Variants in HS3ST3B1 observed in about 807,000 individuals in gnomAD.
HS3ST3B1 encodes the protein heparan sulfate-glucosamine 3-sulfotransferase 3B1.
Under a neutral mutation model 21.3 loss-of-function variants are expected in HS3ST3B1, and 13 were observed. That is an observed-to-expected ratio of 0.61 (90% CI 0.40 to 0.97). The LOEUF (loss-of-function observed/expected upper bound fraction) is 0.97. Among genes scored for constraint, HS3ST3B1 ranks in the 50% least tolerant of loss-of-function variants. The pLI, the probability that HS3ST3B1 is intolerant of heterozygous loss-of-function variation, is 0.00. For synonymous variants in HS3ST3B1, 234 were observed against 254.8 expected, an observed-to-expected ratio of 0.92 and a Z score of 0.78; for missense variants, 459 against 554.8, an observed-to-expected ratio of 0.83 and a Z score of 1.73.
intron 1 of HS3ST3B1, among the ~76,000 whole-genome samples, chr17:14,340,344 T>C (rs576007104): frequency 6.6e-6 from 1 of 152,168 alleles, no homozygotes; most frequent in South Asian, 2.1e-4. Flanking sequence ...AGAGTCCTAT[T>C]AGATCGGTTT....
At chr17:14,344,340 C>G (rs1910486178) in intron 1 of HS3ST3B1, among the ~76,000 whole-genome samples, 1 of 152,098 alleles carries the variant, frequency 6.6e-6, no homozygotes, top group Non-Finnish European at 1.5e-5. Flanking sequence ...ATCCCATCAC[C>G]CAGGTAGTGA....
chr17:14,324,508 C>T (rs1245746193), intron 1 of HS3ST3B1, among the ~76,000 whole-genome samples: 1 of 152,186 alleles, frequency 6.6e-6, no homozygotes, highest in African/African-American at 2.4e-5. Flanking sequence ...GCCTTAGCTT[C>T]CTGAGTAGCA....
intron 1 of HS3ST3B1, among the ~76,000 whole-genome samples, chr17:14,338,246 C>T (rs1910250372): frequency 6.6e-6 from 1 of 151,596 alleles, no homozygotes; most frequent in African/African-American, 2.4e-5. Context: ...CTGCCTCAGC[C>T]TCCGGAGTGA....
intron 1 of HS3ST3B1, among the ~76,000 whole-genome samples, chr17:14,306,621 A>T (rs1909146355): frequency 6.6e-6 from 1 of 152,232 alleles, no homozygotes; most frequent in Admixed American, 6.5e-5. Context: ...CCCACATTTT[A>T]AATTTAACAA....
chr17:14,301,495 C>A lies in HS3ST3B1; in HGVS notation c.-24C>A. The A allele has an allele frequency of 1.3e-6, 2 of 1,486,632 alleles. No homozygotes were observed. Among genetic ancestry groups the A allele is most frequent in the East Asian group, 2.5e-5 (1 of 39,618 alleles). The allele number at this position is 1,486,632 out of a possible 1,614,324, so 92.1% of individuals were successfully genotyped here. A position where few individuals can be genotyped will look rare whatever the true frequency, so the allele number is the denominator to read the frequency against. On this transcript the variant is annotated 5_prime_UTR_variant, in exon 1 of 2. Transcript: ENST00000360954. ...CCCACGCCATGTGCTGAGCCATGTC[C>A]CTGGCCGCGCCCGCGGGCAGCGCAT... is the stretch of plus-strand genomic sequence containing the variant.
intron 1 of HS3ST3B1, chr17:14,329,571 G>T (rs1266349828): frequency 6.6e-6 from 1 of 151,964 alleles, no homozygotes; most frequent in Admixed American, 6.6e-5. Context: ...AAGAAGAAAA[G>T]AAAAGAAAAG....
chr17:14,305,876 G>C (rs1372460532), intron 1 of HS3ST3B1, among the ~76,000 whole-genome samples: 2 of 152,108 alleles, frequency 1.3e-5, no homozygotes, highest in Non-Finnish European at 2.9e-5. Flanking sequence ...GTTCTGTGAA[G>C]TAGGTACTTT....
At chr17:14,332,122 G>A (rs1193409478) in intron 1 of HS3ST3B1, among the ~76,000 whole-genome samples, 1 of 152,142 alleles carries the variant, frequency 6.6e-6, no homozygotes, top group Non-Finnish European at 1.5e-5. Flanking sequence ...ATGAAGAAAG[G>A]GGAGAGGAGA....
intron 1 of HS3ST3B1, among the ~76,000 whole-genome samples, chr17:14,322,073 CT>C (rs143339204): frequency 6.9e-4 from 101 of 146,488 alleles, no homozygotes; most frequent in African/African-American, 1.8e-3. Context: ...AAACCCAAAC[CT>C]TTTTTTTTTA....
At chr17:14,306,416 G>A (rs75290629) in intron 1 of HS3ST3B1, among the ~76,000 whole-genome samples, 48 of 152,274 alleles carry the variant, frequency 3.2e-4, no homozygotes, top group African/African-American at 9.6e-4. Flanking sequence ...TAAATGACAC[G>A]TTCCAGAACT....
chr17:14,345,773 C>A lies in HS3ST3B1; in HGVS notation c.*127C>A. ...ATTCATAAGCAATTAATTCACTAAGCTGCCTAGCCACACTCTTTAGAGAGT... is the reference window on the plus strand; with the variant it reads ...ATTCATAAGCAATTAATTCACTAAGATGCCTAGCCACACTCTTTAGAGAGT... On this transcript the variant is annotated 3_prime_UTR_variant, in exon 2 of 2. Transcript: ENST00000360954. 1 of 1,197,580 alleles carries A rather than the reference C, an allele frequency of 8.4e-7. No homozygotes were observed. The highest frequency in any genetic ancestry group is 1.1e-6 in the Non-Finnish European group (1 of 877,366). 74.2% of individuals were successfully genotyped at this position (1,197,580 alleles called of 1,614,324 possible). A position where few individuals can be genotyped will look rare whatever the true frequency, so the allele number is the denominator to read the frequency against.
intron 1 of HS3ST3B1, chr17:14,305,042 C>T (rs1188090540): frequency 6.6e-6 from 1 of 152,182 alleles, no homozygotes. Context: ...GAGACACCAT[C>T]AGCCGGATCA....
At chr17:14,302,818 G>T (rs188126680) in intron 1 of HS3ST3B1, among the ~76,000 whole-genome samples, 1,769 of 152,340 alleles carry the variant, frequency 0.012, 37 homozygotes, top group African/African-American at 0.04. Flanking sequence ...ACCGCCGCCC[G>T]TTTCCGCCTC....
At chr17:14,343,175 G>A (rs577939724) in intron 1 of HS3ST3B1, among the ~76,000 whole-genome samples, 2 of 151,978 alleles carry the variant, frequency 1.3e-5, no homozygotes, top group South Asian at 4.2e-4. Flanking sequence ...CCGAGAGGCG[G>A]AGGTTGCAGT....
chr17:14,343,864 G>A (rs1385381800), intron 1 of HS3ST3B1, among the ~76,000 whole-genome samples: 1 of 151,548 alleles, frequency 6.6e-6, no homozygotes, highest in Admixed American at 6.6e-5. Context: ...TCCAGAAATG[G>A]GATTGCTGGA....
chr17:14,319,927 C>T (rs1413715254), intron 1 of HS3ST3B1, among the ~76,000 whole-genome samples: 1 of 151,952 alleles, frequency 6.6e-6, no homozygotes, highest in Non-Finnish European at 1.5e-5. Flanking sequence ...TTCCTCACCA[C>T]CCTCCCCCCG....
At chr17:14,329,581 G>GAAA (rs1909940091) in intron 1 of HS3ST3B1, 1 of 151,918 alleles carries the variant, frequency 6.6e-6, no homozygotes, top group African/African-American at 2.4e-5. Flanking sequence ...GAAAAGAAAA[G>GAAA]AAAGAGCTTG....
chr17:14,335,670 GGCAACAGA>G (rs1186162864), intron 1 of HS3ST3B1, among the ~76,000 whole-genome samples: 2 of 151,936 alleles, frequency 1.3e-5, no homozygotes, highest in Non-Finnish European at 2.9e-5. Flanking sequence ...CTCCAGCCAG[GGCAACAGA>G]GCAAGACTCT....
At chr17:14,310,494 G>A (rs1441022599) in intron 1 of HS3ST3B1, among the ~76,000 whole-genome samples, 1 of 152,152 alleles carries the variant, frequency 6.6e-6, no homozygotes, top group Non-Finnish European at 1.5e-5. Flanking sequence ...GTTTCTAAAG[G>A]CCTATGAAAA....
Sources: allele counts gnomAD v4.1 joint callset (sites outside exome capture counted in the v4.1 genomes callset), GRCh38; gene constraint gnomAD v4.1.1; transcripts MANE v1.5; gene names NCBI Gene and HGNC (gene_info 2026-07-23, HGNC 2026-07-21).